Variants in SASH1 observed in about 807,000 individuals in gnomAD.
SASH1 encodes SAM and SH3 domain containing 1.
Under a neutral mutation model 125.2 loss-of-function variants are expected in SASH1, and 44 were observed. The observed-to-expected ratio is 0.35, with a 90% confidence interval of 0.28 to 0.45. The LOEUF (loss-of-function observed/expected upper bound fraction) is 0.45, where lower values mean the gene tolerates loss of function less well. SASH1 is among the 20% of genes least tolerant of loss of function. The pLI, the probability that SASH1 is intolerant of heterozygous loss-of-function variation, is 1.00. For missense variants in SASH1, 1,426 were observed against 1,614.5 expected, an observed-to-expected ratio of 0.88 and a Z score of 2.00; for synonymous variants, 639 against 649.1, an observed-to-expected ratio of 0.98 and a Z score of 0.24.
At chr6:148,481,435 G>A (rs1778615150) in intron 7 of SASH1, among the ~76,000 whole-genome samples, 1 of 152,114 alleles carries the variant, frequency 6.6e-6, no homozygotes, top group Non-Finnish European at 1.5e-5. Context: ...ACTGTTGGAT[G>A]CAAAAGGCCT....
the SASH1 span, among the ~76,000 whole-genome samples, chr6:148,202,791 T>C: frequency 6.6e-6 from 1 of 152,004 alleles, no homozygotes; most frequent in Non-Finnish European, 1.5e-5. Flanking sequence ...CTGTCTCTAC[T>C]AAAAATACAA....
intron 1 of SASH1, among the ~76,000 whole-genome samples, chr6:148,326,414 CT>C (rs56066712): frequency 1.2e-5 from 1 of 83,976 alleles, no homozygotes; most frequent in African/African-American, 4.4e-5. Flanking sequence ...CTTTTCTTTT[CT>C]TTTTTTTGAG....
At chr6:148,369,652 A>G (rs563551355) in intron 1 of SASH1, among the ~76,000 whole-genome samples, 172 of 65,292 alleles carry the variant, frequency 2.6e-3, no homozygotes, top group Non-Finnish European at 1.0e-3. Context: ...TTCCCTTTCC[A>G]TGACAAAAAA....
chr6:148,450,904 T>G (rs749443600), intron 4 of SASH1, among the ~76,000 whole-genome samples: 2 of 152,182 alleles, frequency 1.3e-5, no homozygotes, highest in African/African-American at 2.4e-5. Context: ...GCAAGCCACT[T>G]GACCTTTCTA....
chr6:148,527,627 G>C, intron 12 of SASH1, 31 bp downstream of exon 12: 1 of 1,578,116 alleles, frequency 6.3e-7, no homozygotes, highest in Non-Finnish European at 8.6e-7. Context: ...ATGTTCCCTT[G>C]GTTCTTCCTG....
intron 1 of SASH1, among the ~76,000 whole-genome samples, chr6:148,325,339 C>T (rs907061626): frequency 4.6e-5 from 7 of 151,936 alleles, no homozygotes; most frequent in South Asian, 2.1e-4. Context: ...GCAAGTGTCG[C>T]GATTTTGGCT....
At chr6:148,435,732 G>A (rs1776266417) in intron 2 of SASH1, among the ~76,000 whole-genome samples, 1 of 152,076 alleles carries the variant, frequency 6.6e-6, no homozygotes, top group African/African-American at 2.4e-5. Context: ...TAACAGTAAA[G>A]GTATAGAGGA....
At chr6:148,256,918 G>C in the SASH1 span, among the ~76,000 whole-genome samples, 8 of 152,168 alleles carry the variant, frequency 5.3e-5, no homozygotes, top group African/African-American at 1.9e-4. Context: ...CTGGGTTGAT[G>C]AGAGCTTTGG....
rs541894812 is a variant in SASH1, at chr6:148,436,343, A to T, written c.286-3841A>T. On this transcript the variant is annotated intron_variant, in intron 2 of 19. Transcript: ENST00000367467. ...CCATCTCTACACAAAGTACAAAAAA[A>T]GTAGCCAGGCATGATGGCATGTGCC... Among the ~76,000 whole-genome samples the T allele has an allele frequency of 7.9e-5, 12 of 152,154 alleles. No individual in the cohort carries two copies. In the South Asian group the frequency reaches 1.9e-3, roughly 24 times the overall value.
chr6:148,457,374 A>G (rs767231535), intron 4 of SASH1, among the ~76,000 whole-genome samples: 10 of 152,152 alleles, frequency 6.6e-5, no homozygotes, highest in Non-Finnish European at 1.3e-4. Context: ...TACTGTGATC[A>G]GTAAGACTAG....
intron 1 of SASH1, among the ~76,000 whole-genome samples, chr6:148,378,867 CAT>C (rs1237868110): frequency 1.3e-5 from 2 of 152,172 alleles, no homozygotes; most frequent in Non-Finnish European, 2.9e-5. Context: ...GTGTCAGCAG[CAT>C]TAAGATTCAC....
the SASH1 span, among the ~76,000 whole-genome samples, chr6:148,207,847 G>A: frequency 1.3e-5 from 2 of 152,170 alleles, no homozygotes; most frequent in Non-Finnish European, 2.9e-5. Context: ...GCTAAGCTCA[G>A]AAACTGTGCT....
chr6:148,206,903 G>T, the SASH1 span, among the ~76,000 whole-genome samples: 1 of 151,712 alleles, frequency 6.6e-6, no homozygotes, highest in South Asian at 2.1e-4. Flanking sequence ...CAGGCATTTT[G>T]CTGTCCTCAG....
chr6:148,348,255 A>G (rs763477368), intron 1 of SASH1, among the ~76,000 whole-genome samples: 1 of 152,116 alleles, frequency 6.6e-6, no homozygotes, highest in African/African-American at 2.4e-5. Context: ...CGGTCTCCCA[A>G]AGTGCTGGGA....
At chr6:148,250,441 G>A in the SASH1 span, among the ~76,000 whole-genome samples, 1 of 152,218 alleles carries the variant, frequency 6.6e-6, no homozygotes, top group East Asian at 1.9e-4. Context: ...GGGTTCTTAA[G>A]TAATCAGCCA....
intron 2 of SASH1, chr6:148,393,700 C>A (rs926173254): frequency 1.0e-6 from 1 of 985,174 alleles, no homozygotes; most frequent in African/African-American, 1.7e-5. Context: ...TCCAAAACCG[C>A]AGAAGACAGT....
At chr6:148,454,138 G>A (rs577571120) in intron 4 of SASH1, among the ~76,000 whole-genome samples, 1 of 152,272 alleles carries the variant, frequency 6.6e-6, no homozygotes, top group East Asian at 1.9e-4. Context: ...AGCTTCGCGG[G>A]TGCAGAGGGC....
intron 1 of SASH1, among the ~76,000 whole-genome samples, chr6:148,376,357 C>T (rs1388145841): frequency 3.9e-5 from 6 of 152,158 alleles, no homozygotes; most frequent in Admixed American, 3.9e-4. Flanking sequence ...GAGTGAGCCA[C>T]AGTGCCTCCT....
chr6:148,335,215 T>C (rs904034325), intron 1 of SASH1, among the ~76,000 whole-genome samples: 1 of 150,492 alleles, frequency 6.6e-6, no homozygotes, highest in Non-Finnish European at 1.5e-5. Flanking sequence ...GGAGAATCAT[T>C]TGAACCCGGG....
Sources: allele counts gnomAD v4.1 joint callset (sites outside exome capture counted in the v4.1 genomes callset), GRCh38; gene constraint gnomAD v4.1.1; transcripts MANE v1.5; gene names NCBI Gene and HGNC (gene_info 2026-07-23, HGNC 2026-07-21).